Variants in CC2D2B observed in about 807,000 individuals in gnomAD.
The protein encoded by CC2D2B is coiled-coil and C2 domain containing 2B.
CC2D2B carries 128 observed loss-of-function variants against 161.2 expected under a neutral mutation model. The ratio of observed to expected loss-of-function variants is 0.79; its 90% CI spans 0.69 to 0.92. CC2D2B has a LOEUF of 0.92. Among genes scored for constraint, CC2D2B ranks in the 40% least tolerant of loss-of-function variants. The pLI is 0.00. For missense variants in CC2D2B, 1,173 were observed against 1,375.1 expected, an observed-to-expected ratio of 0.85 and a Z score of 2.32; for synonymous variants, 391 against 449.8, an observed-to-expected ratio of 0.87 and a Z score of 1.65.
rs1241211903 is a variant in CC2D2B, at chr10:96,012,633, T to C, written c.3330T>C (p.Asp1110=). Residue 1110 remains aspartate (D), a synonymous_variant, in exon 28 of 35, where the codon GAT becomes GAC. Coordinates refer to ENST00000646931, the MANE Select transcript of CC2D2B (RefSeq NM_001349008.3). The part of the protein sequence containing the change: ...NRRIVTTVFN[D]EGIQFLVTRY... ...GAATCGTAACTACTGTTTTTAATGA[T>C]GAAGGGATACAGTTCTTAGTCACAA... 1 of 1,610,950 alleles carries C rather than the reference T, an allele frequency of 6.2e-7. No homozygotes were observed. The highest frequency in any genetic ancestry group is 8.5e-7 in the Non-Finnish European group (1 of 1,177,310).
At chr10:96,014,616 C>T (rs1055273606) in intron 29 of CC2D2B, among the ~76,000 whole-genome samples, 4 of 152,142 alleles carry the variant, frequency 2.6e-5, no homozygotes, top group South Asian at 2.1e-4. Flanking sequence ...AGTAGATGTG[C>T]GACCTAAGAT....
chr10:95,974,298 C>A (rs941786944), intron 17 of CC2D2B, 142 bp downstream of exon 17: 6 of 423,306 alleles, frequency 1.4e-5, no homozygotes, highest in African/African-American at 1.2e-4. Flanking sequence ...TTATTTAAAT[C>A]ACTCTACTAA....
At chr10:96,015,896 C>T (rs1405845702) in intron 29 of CC2D2B, among the ~76,000 whole-genome samples, 1 of 152,152 alleles carries the variant, frequency 6.6e-6, no homozygotes, top group Non-Finnish European at 1.5e-5. Flanking sequence ...GCCCAGGGCA[C>T]TTTAATATTT....
chr10:95,975,950 A>G (rs2077297510), intron 17 of CC2D2B, among the ~76,000 whole-genome samples: 1 of 152,186 alleles, frequency 6.6e-6, no homozygotes, highest in African/African-American at 2.4e-5. Context: ...TCTTTGCCTC[A>G]TCATAATATT....
chr10:96,012,827 T>C, intron 28 of CC2D2B, 98 bp downstream of exon 28: 1 of 722,730 alleles, frequency 1.4e-6, no homozygotes, highest in Non-Finnish European at 2.4e-6. Context: ...TCTAGTGAGT[T>C]GTCTGTCCTC....
At chr10:96,015,689 T>A (rs749803124) in intron 29 of CC2D2B, among the ~76,000 whole-genome samples, 1 of 152,184 alleles carries the variant, frequency 6.6e-6, no homozygotes, top group African/African-American at 2.4e-5. Context: ...GCTGTTCAGC[T>A]CTTTGAGTTG....
intron 3 of CC2D2B, among the ~76,000 whole-genome samples, chr10:95,923,293 G>A (rs993493273): frequency 2.6e-5 from 4 of 151,916 alleles, no homozygotes; most frequent in Non-Finnish European, 4.4e-5. Context: ...GCTATGTTGC[G>A]CAAGCTGGTC....
chr10:95,916,236 C>T (rs951842886), intron 2 of CC2D2B, among the ~76,000 whole-genome samples: 8 of 152,018 alleles, frequency 5.3e-5, no homozygotes, highest in African/African-American at 1.9e-4. Context: ...TCTGCAGTAT[C>T]AGCTATAATG....
chr10:95,927,037 C>T (rs1015415089), intron 5 of CC2D2B, among the ~76,000 whole-genome samples, 200 bp from the exon 6 acceptor site: 8 of 151,904 alleles, frequency 5.3e-5, no homozygotes, highest in African/African-American at 1.2e-4. Flanking sequence ...TGCAGTTACC[C>T]GAACATTAGA....
chr10:95,925,678 C>T (rs2098537150), intron 5 of CC2D2B, among the ~76,000 whole-genome samples: 1 of 152,178 alleles, frequency 6.6e-6, no homozygotes, highest in African/African-American at 2.4e-5. Flanking sequence ...ATAGAAGTTT[C>T]CTTTTTCTCT....
intron 33 of CC2D2B, among the ~76,000 whole-genome samples, chr10:96,025,172 T>TAAAAAAAAAAAA (rs1564683838): frequency 1.0e-3 from 18 of 17,618 alleles, no homozygotes; most frequent in East Asian, 8.2e-3. Flanking sequence ...TATATATATA[T>TAAAAAAAAAAAA]ATATATATAT....
At chr10:96,027,473 G>T in intron 34 of CC2D2B, 84 bp downstream of exon 34, 1 of 967,074 alleles carries the variant, frequency 1.0e-6, no homozygotes. Context: ...AAATATTTCT[G>T]AAAGGCCTTT....
At chr10:95,994,591 A>G (rs10882707) in intron 22 of CC2D2B, among the ~76,000 whole-genome samples, 15,518 of 152,170 alleles carry the variant, frequency 0.1, 1,589 homozygotes, top group East Asian at 0.57. Context: ...CTCCTTTCAC[A>G]GTCTGCTAAG....
Position 96,012,566 on chromosome 10 carries a change from A to C in CC2D2B, c.3263A>C (p.Gln1088Pro). The change falls in exon 28 of 35, where the codon CAG becomes CCG. Residue 1088 changes from glutamine to proline, a missense_variant. Physicochemically the swap from Gln to Pro is moderately conservative, Grantham distance 76. Transcript: ENST00000646931. ...LDQTEVLQRAQIFKKNCKAMF... is the reference protein window; with the variant it reads ...LDQTEVLQRAPIFKKNCKAMF... ...CAAACAGAGGTCTTGCAGAGAGCACAGATTTTTAAAAAGAATTGTAAGGCA... is the reference window on the plus strand; with the variant it reads ...CAAACAGAGGTCTTGCAGAGAGCACCGATTTTTAAAAAGAATTGTAAGGCA... 1 of 1,613,132 alleles carries C rather than the reference A, an allele frequency of 6.2e-7. No homozygotes were observed. The highest frequency in any genetic ancestry group is 8.5e-7 in the Non-Finnish European group (1 of 1,179,206).
intron 19 of CC2D2B, 51 bp from the exon 20 acceptor site, chr10:95,988,199 T>G (rs1301594867): frequency 1.5e-5 from 10 of 678,058 alleles, no homozygotes; most frequent in Non-Finnish European, 2.1e-5. Context: ...ATGTGTCATA[T>G]GTGAACTCTT....
At chr10:95,976,535 T>C (rs1324045794) in intron 17 of CC2D2B, among the ~76,000 whole-genome samples, 1 of 152,164 alleles carries the variant, frequency 6.6e-6, no homozygotes, top group Non-Finnish European at 1.5e-5. Flanking sequence ...CCCACAGTTT[T>C]GTTGTGGCAG....
At chr10:95,972,846 C>T (rs1460498123) in intron 16 of CC2D2B, among the ~76,000 whole-genome samples, 2 of 151,322 alleles carry the variant, frequency 1.3e-5, no homozygotes, top group East Asian at 3.9e-4. Flanking sequence ...TACAGGTGCT[C>T]GCAGACATAT....
chr10:96,012,150 C>A (rs1350790992), intron 26 of CC2D2B, 35 bp from the exon 27 acceptor site: 1 of 580,388 alleles, frequency 1.7e-6, no homozygotes, highest in African/African-American at 1.9e-5. Flanking sequence ...TTATTTTCAT[C>A]ATGCATAATC....
At chr10:95,966,065 A>T in intron 13 of CC2D2B, 67 bp downstream of exon 13, 1 of 752,590 alleles carries the variant, frequency 1.3e-6, no homozygotes. Flanking sequence ...ATAGAATGTG[A>T]AATCTTGGTA....
Sources: allele counts gnomAD v4.1 joint callset (sites outside exome capture counted in the v4.1 genomes callset), GRCh38; gene constraint gnomAD v4.1.1; transcripts MANE v1.5; gene names NCBI Gene and HGNC (gene_info 2026-07-23, HGNC 2026-07-21).